Variants in PELI1 observed in about 807,000 individuals in gnomAD.
The protein encoded by PELI1 is pellino E3 ubiquitin protein ligase 1.
PELI1 carries 15 observed loss-of-function variants against 41.3 expected under a neutral mutation model. That is an observed-to-expected ratio of 0.36 (90% CI 0.24 to 0.56). The LOEUF is 0.56. Among genes scored for constraint, PELI1 ranks in the 20% least tolerant of loss-of-function variants. The pLI is 0.82. For synonymous variants in PELI1, 178 were observed against 180.1 expected, an observed-to-expected ratio of 0.99 and a Z score of 0.09; for missense variants, 403 against 525.5, an observed-to-expected ratio of 0.77 and a Z score of 2.28.
At chr2:64,105,055 T>A (rs930742122) in intron 2 of PELI1, among the ~76,000 whole-genome samples, 3 of 152,222 alleles carry the variant, frequency 2.0e-5, no homozygotes, top group African/African-American at 7.2e-5. Flanking sequence ...AGAGAACCTT[T>A]TGGATTATAC....
intron 1 of PELI1, among the ~76,000 whole-genome samples, chr2:64,114,323 A>G (rs952761823): frequency 6.6e-6 from 1 of 152,216 alleles, no homozygotes; most frequent in African/African-American, 2.4e-5. Context: ...TTTAATTCAT[A>G]GCAGTTTCTT....
chr2:64,132,711 C>T (rs777812575), intron 1 of PELI1, among the ~76,000 whole-genome samples: 4 of 151,968 alleles, frequency 2.6e-5, no homozygotes, highest in South Asian at 2.1e-4. Context: ...AATAGTGATA[C>T]GAAAGAGCTG....
intron 1 of PELI1, among the ~76,000 whole-genome samples, chr2:64,133,199 A>G (rs1379420911): frequency 5.3e-5 from 8 of 152,178 alleles, no homozygotes; most frequent in Admixed American, 3.3e-4. Context: ...TGGAATTTTA[A>G]GTACCCCCAT....
intron 6 of PELI1, among the ~76,000 whole-genome samples, chr2:64,095,907 T>C (rs1304902261): frequency 6.6e-6 from 1 of 152,168 alleles, no homozygotes; most frequent in Non-Finnish European, 1.5e-5. Context: ...CCTTCCAAAG[T>C]GCTGGGATTA....
chr2:64,120,862 A>C (rs949055035), intron 1 of PELI1, among the ~76,000 whole-genome samples: 1 of 152,234 alleles, frequency 6.6e-6, no homozygotes, highest in Non-Finnish European at 1.5e-5. Flanking sequence ...ATGTGTCCAC[A>C]GGACAATAGT....
intron 1 of PELI1, among the ~76,000 whole-genome samples, chr2:64,123,799 C>T (rs1316536993): frequency 6.6e-6 from 1 of 152,008 alleles, no homozygotes; most frequent in South Asian, 2.1e-4. Context: ...AGGTATATAC[C>T]CAGGAGAAAT....
chr2:64,102,182 C>T (rs1393200411), intron 3 of PELI1, among the ~76,000 whole-genome samples: 1 of 152,058 alleles, frequency 6.6e-6, no homozygotes, highest in Admixed American at 6.6e-5. Context: ...GCCTACATGT[C>T]TCTCCCAGTT....
chr2:64,124,007 A>AAC (rs1371958212), intron 1 of PELI1, among the ~76,000 whole-genome samples: 22 of 152,222 alleles, frequency 1.4e-4, no homozygotes, highest in Non-Finnish European at 3.2e-4. Flanking sequence ...GAACCTGGAA[A>AAC]ACATTCTGCT....
chr2:64,141,920 T>C (rs1016344412), intron 1 of PELI1, among the ~76,000 whole-genome samples: 8 of 152,214 alleles, frequency 5.3e-5, no homozygotes, highest in Non-Finnish European at 8.8e-5. Flanking sequence ...GAAGTACAAA[T>C]GTTCCTGGTA....
chr2:64,104,935 T>A, intron 2 of PELI1, 105 bp from the exon 3 acceptor site: 1 of 870,060 alleles, frequency 1.1e-6, no homozygotes, highest in Non-Finnish European at 1.7e-6. Context: ...TAATTATCTA[T>A]TAACACATTA....
At chr2:64,108,552 A>T (rs892667927) in intron 1 of PELI1, among the ~76,000 whole-genome samples, 173 bp from the exon 2 acceptor site, 2 of 152,258 alleles carry the variant, frequency 1.3e-5, no homozygotes, top group African/African-American at 4.8e-5. Flanking sequence ...AACTGTTTAA[A>T]GGAATCAAAA....
chr2:64,099,919 C>A (rs947476992), intron 4 of PELI1, among the ~76,000 whole-genome samples: 1 of 152,284 alleles, frequency 6.6e-6, no homozygotes, highest in South Asian at 2.1e-4. Context: ...TTTGATTTCA[C>A]ATAGATAATA....
Position 64,141,312 on chromosome 2 carries a change from C to A in PELI1, c.-70+2769G>T, listed in dbSNP as rs565908316. The stretch of plus-strand genomic sequence containing the variant: ...GGAATAACATGTTTCCCGCCCCCAC[C>A]CCAAAGGAGCTCCTAAAGCCACCTC... On this transcript the variant is annotated intron_variant, in intron 1 of 6. Coordinates refer to ENST00000358912, the MANE Select transcript of PELI1 (RefSeq NM_020651.4). Among the ~76,000 whole-genome samples, 14 of 145,920 alleles carry A rather than the reference C, an allele frequency of 9.6e-5. No homozygotes were observed. The East Asian group carries it at 1.4e-3, about 15-fold the overall frequency.
At chr2:64,141,496 A>C (rs1165836054) in intron 1 of PELI1, among the ~76,000 whole-genome samples, 1 of 152,198 alleles carries the variant, frequency 6.6e-6, no homozygotes, top group Admixed American at 6.5e-5. Context: ...TTAGTTTTCA[A>C]TTCTAAGTCT....
In PELI1 at chr2:64,100,458, T is replaced by G. The variant is rs329497; in HGVS notation, c.243A>C (p.Leu81Phe). 6.3e-7 allele frequency: 1 copy of G among 1,581,192 alleles called. No homozygotes were observed. Among genetic ancestry groups the G allele is most frequent in the Admixed American group, 1.7e-5 (1 of 59,896 alleles). Residue 81 changes from leucine (L) to phenylalanine (F), a missense_variant, in exon 4 of 7, where the codon TTA (leucine) becomes TTC (phenylalanine). By Grantham distance (22) the Leu-to-Phe change is conservative. Transcript: ENST00000358912. ...NKDQHSISYTLSRAQTVVVEY... is the reference protein window; with the variant it reads ...NKDQHSISYTFSRAQTVVVEY... ...CAACCACCACAGTCTGGGCCCGAGA[T>G]AAAGTATATGATATGCTATGCTGGT...
chr2:64,094,575 T>C lies in PELI1; in HGVS notation c.*127A>G. The C allele has an allele frequency of 1.7e-6, 1 of 581,436 alleles. No homozygotes were observed. Among genetic ancestry groups the C allele is most frequent in the South Asian group, 3.1e-5 (1 of 32,078 alleles). The allele number at this position is 581,436 out of a possible 1,614,324, so 36.0% of individuals were successfully genotyped here. A position where few individuals can be genotyped will look rare whatever the true frequency, so the allele number is the denominator to read the frequency against. On this transcript the variant is annotated 3_prime_UTR_variant, in exon 7 of 7. Coordinates refer to ENST00000358912, the MANE Select transcript of PELI1 (RefSeq NM_020651.4). ...AAATTGCTACTATTTATTATAAATG[T>C]TTTAAAAAATTCTTCATCTTAATGC... is the stretch of plus-strand genomic sequence containing the variant.
At chr2:64,103,083 TC>T (rs1052459574) in intron 3 of PELI1, among the ~76,000 whole-genome samples, 1 of 152,098 alleles carries the variant, frequency 6.6e-6, no homozygotes, top group Non-Finnish European at 1.5e-5. Flanking sequence ...GCTCAAGTGA[TC>T]CGCCCACCTT....
chr2:64,125,416 G>A (rs895777597), intron 1 of PELI1, among the ~76,000 whole-genome samples: 1 of 152,162 alleles, frequency 6.6e-6, no homozygotes, highest in Non-Finnish European at 1.5e-5. Flanking sequence ...GGAAGACAGC[G>A]TGGTAGAAAG....
intron 1 of PELI1, among the ~76,000 whole-genome samples, chr2:64,126,578 T>C (rs576094769): frequency 6.6e-6 from 1 of 152,294 alleles, no homozygotes; most frequent in South Asian, 2.1e-4. Flanking sequence ...TTCAAACTAA[T>C]GCAAAAGGTA....
Sources: gnomAD v4.1 joint callset for allele counts (sites outside exome capture counted in the v4.1 genomes callset) on GRCh38, gnomAD v4.1.1 for gene constraint, MANE v1.5 for transcripts, NCBI Gene and HGNC (gene_info 2026-07-23, HGNC 2026-07-21) for gene names.